ZC3H11A: variants seen among roughly 807,000 people sequenced by gnomAD.
ZC3H11A encodes zinc finger CCCH domain-containing protein 11A.
In ZC3H11A, 22 loss-of-function variants were observed where a neutral mutation model predicts 90.8. That is an observed-to-expected ratio of 0.24 (90% confidence interval 0.17 to 0.35). The LOEUF is 0.35. ZC3H11A is among the 10% of genes least tolerant of loss of function. The pLI is 1.00. For synonymous variants in ZC3H11A, 294 were observed against 339.8 expected (o/e 0.87, Z 1.48); for missense variants, 701 against 964.9 (o/e 0.73, Z 3.62).
chr1:203,838,975 A>G (rs984730414), intron 11 of ZC3H11A, among the ~76,000 whole-genome samples: 1 of 139,928 alleles, frequency 7.1e-6, no homozygotes, highest in South Asian at 2.3e-4. Flanking sequence ...AAAAAAAAAA[A>G]GAAAGAAAGA....
chr1:203,842,195 G>T (rs1339604175), intron 12 of ZC3H11A, among the ~76,000 whole-genome samples: 2 of 151,574 alleles, frequency 1.3e-5, no homozygotes, highest in Admixed American at 1.3e-4. Context: ...TCCCAGACGG[G>T]GTGGCGGCCG....
At chr1:203,810,798 C>T (rs1278352236) in intron 2 of ZC3H11A, among the ~76,000 whole-genome samples, 1 of 151,976 alleles carries the variant, frequency 6.6e-6, no homozygotes, top group Non-Finnish European at 1.5e-5. Context: ...TCCATTTCTC[C>T]ACACTCTGCC....
At chr1:203,807,568 C>T (rs544027447) in intron 2 of ZC3H11A, among the ~76,000 whole-genome samples, 95 of 151,978 alleles carry the variant, frequency 6.3e-4, no homozygotes, top group African/African-American at 2.3e-3. Flanking sequence ...GCTCTGCCTC[C>T]CAGGCTGGAG....
At chr1:203,804,952 C>T (rs559725873) in intron 2 of ZC3H11A, among the ~76,000 whole-genome samples, 1 of 151,712 alleles carries the variant, frequency 6.6e-6, no homozygotes, top group Middle Eastern at 3.5e-3. Flanking sequence ...GGATTACAGG[C>T]GTGAGCTATT....
chr1:203,846,208 G>A (rs1000352734), intron 12 of ZC3H11A, among the ~76,000 whole-genome samples: 2 of 144,592 alleles, frequency 1.4e-5, no homozygotes, highest in Admixed American at 1.4e-4. Flanking sequence ...ACATATATAT[G>A]TGTATGATCT....
intron 1 of ZC3H11A, chr1:203,799,972 C>T: frequency 6.5e-7 from 1 of 1,536,146 alleles, no homozygotes; most frequent in East Asian, 2.4e-5. Context: ...ACTTCAGAAG[C>T]TTCTTGTCCC....
intron 2 of ZC3H11A, among the ~76,000 whole-genome samples, chr1:203,808,980 G>C (rs546024849): frequency 6.6e-6 from 1 of 150,542 alleles, no homozygotes; most frequent in African/African-American, 2.4e-5. Context: ...ACAGGCATTC[G>C]CCACCACGCC....
chr1:203,798,714 GAA>G (rs1450954035), intron 1 of ZC3H11A: 2 of 1,536,004 alleles, frequency 1.3e-6, no homozygotes, highest in Non-Finnish European at 1.7e-6. Context: ...GCAGGAGAGA[GAA>G]ACAACATGTT....
At chr1:203,840,113 A>T (rs1037488209) in intron 11 of ZC3H11A, among the ~76,000 whole-genome samples, 193 bp from the exon 12 acceptor site, 7 of 149,544 alleles carry the variant, frequency 4.7e-5, no homozygotes, top group African/African-American at 1.7e-4. Flanking sequence ...TAATTTTTGC[A>T]ATTTTAGTAG....
intron 4 of ZC3H11A, among the ~76,000 whole-genome samples, chr1:203,819,627 C>T (rs1677802075): frequency 6.9e-6 from 1 of 145,786 alleles, no homozygotes; most frequent in South Asian, 2.2e-4. Context: ...CTCCACCTCC[C>T]TAGTTCAAGC....
intron 2 of ZC3H11A, among the ~76,000 whole-genome samples, chr1:203,807,341 A>G (rs1229328570): frequency 6.6e-6 from 1 of 152,206 alleles, no homozygotes; most frequent in African/African-American, 2.4e-5. Context: ...GTTGGAATAC[A>G]GTGATGTGAT....
At chr1:203,820,466 T>TTGTGTGTGTG (rs144962991) in intron 4 of ZC3H11A, among the ~76,000 whole-genome samples, 10 of 136,470 alleles carry the variant, frequency 7.3e-5, no homozygotes, top group South Asian at 2.3e-4. Flanking sequence ...ATATCACAAA[T>TTGTGTGTGTG]TATGTGTGTG....
At chr1:203,848,200 CAGATGGGCTTT>C (rs2103415017) in intron 13 of ZC3H11A, 120 bp from the exon 14 acceptor site, 4 of 776,596 alleles carry the variant, frequency 5.2e-6, no homozygotes, top group South Asian at 1.8e-5. Context: ...TTTAGGAGCA[CAGATGGGCTTT>C]ATCTGTAATT....
At chr1:203,845,547 A>G (rs1687654760) in intron 12 of ZC3H11A, among the ~76,000 whole-genome samples, 1 of 152,178 alleles carries the variant, frequency 6.6e-6, no homozygotes, top group South Asian at 2.1e-4. Flanking sequence ...ATTGGAGGGT[A>G]TCAGGTTTTA....
chr1:203,819,898 C>T (rs781098774), intron 4 of ZC3H11A, among the ~76,000 whole-genome samples: 3 of 151,658 alleles, frequency 2.0e-5, no homozygotes, highest in Non-Finnish European at 4.4e-5. Context: ...CCTTTGATCT[C>T]ACTCAAATTT....
chr1:203,796,019 A>G (rs1450520387), intron 1 of ZC3H11A: 1 of 50,616 alleles, frequency 2.0e-5, no homozygotes, highest in Non-Finnish European at 3.9e-5. Flanking sequence ...CACTTTTCCC[A>G]TCCTCCCCAC....
rs559017703 is a variant in ZC3H11A at position 203,820,238 on chromosome 1, A to G, written c.174+1549A>G. Among the ~76,000 whole-genome samples the G allele has an allele frequency of 5.5e-3, 744 of 135,678 alleles. 7 individuals carry two copies. Among genetic ancestry groups the G allele is most frequent in the Non-Finnish European group, 8.3e-3 (532 of 63,840 alleles). 89.0% of individuals were successfully genotyped at this position (135,678 alleles called of 152,430 possible). A position where few individuals can be genotyped will look rare whatever the true frequency, so the allele number is the denominator to read the frequency against. On this transcript the variant is annotated intron_variant, in intron 4 of 17. Coordinates refer to ENST00000367210, the MANE Select transcript of ZC3H11A (RefSeq NM_001376342.1). ...TGACAGGGCGAGACTCCATCTCAAG[A>G]AAAAAAAAAAAAAAGCCCAAATTCA... is the stretch of plus-strand genomic sequence containing the variant.
At chr1:203,848,805 C>G (rs1295711559) in intron 14 of ZC3H11A, among the ~76,000 whole-genome samples, 1 of 152,108 alleles carries the variant, frequency 6.6e-6, no homozygotes, top group African/African-American at 2.4e-5. Flanking sequence ...ATGCATCATA[C>G]AAAAGTTGGA....
intron 4 of ZC3H11A, among the ~76,000 whole-genome samples, chr1:203,819,353 C>T (rs1677616003): frequency 6.7e-6 from 1 of 150,160 alleles, no homozygotes; most frequent in Non-Finnish European, 1.5e-5. Flanking sequence ...TCCTGAGTAG[C>T]TGGGATTACA....
Sources: gnomAD v4.1 joint callset for allele counts (sites outside exome capture counted in the v4.1 genomes callset) on GRCh38, gnomAD v4.1.1 for gene constraint, MANE v1.5 for transcripts, NCBI Gene and HGNC (gene_info 2026-07-23, HGNC 2026-07-21) for gene names.